ABCC3: variants seen among roughly 807,000 people sequenced by gnomAD.
The protein encoded by ABCC3 is ATP-binding cassette sub-family C member 3.
ABCC3 carries 121 observed loss-of-function variants against 165.3 expected under a neutral mutation model. The ratio of observed to expected loss-of-function variants is 0.73; its 90% CI spans 0.63 to 0.85. The LOEUF is 0.85. Among genes scored for constraint, ABCC3 ranks in the 40% least tolerant of loss-of-function variants. The probability of loss-of-function intolerance (pLI) is 0.00; values close to 1 mark genes in which losing one functional copy is unlikely to be tolerated. For synonymous variants in ABCC3, 733 were observed against 810.1 expected (o/e 0.90, Z 1.62); for missense variants, 1,869 against 1,964.1 (o/e 0.95, Z 0.92).
At position 50,668,859 on chromosome 17, in the gene ABCC3, C is replaced by T; in HGVS notation, c.1877C>T (p.Ala626Val). 1 of 1,613,910 alleles carries T rather than the reference C, an allele frequency of 6.2e-7. No homozygotes were observed. ...CCCACCTTGGTCCTCTCAGGCTATG[C>T]CATCACCATACACAGTGGCACCTTC... Reference protein sequence around the residue: ...VERKTISPGYAITIHSGTFTW... With the variant: ...VERKTISPGYVITIHSGTFTW... Residue 626 changes from alanine (A) to valine (V), a missense_variant, in exon 15 of 31, where the codon GCC becomes GTC. Physicochemically the swap from Ala to Val is moderately conservative, Grantham distance 64. Coordinates refer to ENST00000285238, the MANE Select transcript of ABCC3 (RefSeq NM_003786.4).
Position 50,683,621 on chromosome 17 carries a change from G to C in ABCC3, c.3819G>C (p.Val1273=). 6 of 1,577,816 alleles carry C rather than the reference G, an allele frequency of 3.8e-6. No individual in the cohort carries two copies. The highest frequency in any genetic ancestry group is 5.2e-6 in the Non-Finnish European group (6 of 1,162,602). Reference sequence around the variant, plus strand: ...GCCCCTCCTGCCAGGCGCCCTGGGTGGTGGAAGGCAGCCGCCCTCCCGAAG... The same window carrying C: ...GCCCCTCCTGCCAGGCGCCCTGGGTCGTGGAAGGCAGCCGCCCTCCCGAAG... ...YSKTETEAPW[V]VEGSRPPEGW... The change falls in exon 27 of 31, where the codon GTG becomes GTC. Residue 1273 remains valine (V), a synonymous_variant. Transcript: ENST00000285238.
chr17:50,635,389 G>A (rs186827963), intron 1 of ABCC3: 5 of 678,340 alleles, frequency 7.4e-6, no homozygotes, highest in Non-Finnish European at 1.1e-5. Flanking sequence ...CTCAGGTTAG[G>A]ACTCGGTTGC....
At position 50,672,995 on chromosome 17, in the gene ABCC3, C is replaced by A; in HGVS notation, c.2266C>A (p.Arg756=). 5.0e-6 allele frequency: 8 copies of A among 1,613,836 alleles called. No homozygotes were observed. Among genetic ancestry groups the A allele is most frequent in the Non-Finnish European group, 6.8e-6 (8 of 1,179,984 alleles). The change falls in exon 18 of 31, where the codon CGG becomes AGG. Residue 756 remains arginine (R), a synonymous_variant. Coordinates refer to ENST00000285238, the MANE Select transcript of ABCC3 (RefSeq NM_003786.4). ...GGGCATTAACCTGTCTGGGGGCCAG[C>A]GGCAGCGGGTCAGTCTGGCTCGAGC... is the stretch of plus-strand genomic sequence containing the variant. ...EKGINLSGGQ[R]QRVSLARAVY...
At chr17:50,638,046 A>G (rs2054195635) in intron 1 of ABCC3, among the ~76,000 whole-genome samples, 1 of 152,228 alleles carries the variant, frequency 6.6e-6, no homozygotes, top group African/African-American at 2.4e-5. Flanking sequence ...TCTCACCCAT[A>G]TCGACTTTGA....
Position 50,669,132 on chromosome 17 carries a change from G to T in ABCC3, c.1938-8G>T. 6.3e-7 allele frequency: 1 copy of T among 1,595,362 alleles called. No individual in the cohort carries two copies. The highest frequency in any genetic ancestry group is 8.5e-7 in the Non-Finnish European group (1 of 1,172,950). ...CTCTAACTGGACTCCTGGGGTCCTT[G>T]CCCCCAGCCTAGACATCCAGGTCCC... On this transcript the variant is annotated splice_region_variant and splice_polypyrimidine_tract_variant and intron_variant, in intron 15 of 30. Coordinates refer to ENST00000285238, the MANE Select transcript of ABCC3 (RefSeq NM_003786.4).
chr17:50,658,514 C>A lies in ABCC3; in HGVS notation c.674+18C>A, dbSNP rs745565968. ...TTCACAAAGTGAGTTGGCTCTTCCA[C>A]CAGCCAGGCCAGAGGGAGGGGAGGG... is the stretch of plus-strand genomic sequence containing the variant. On this transcript the variant is annotated intron_variant, in intron 6 of 30. Transcript: ENST00000285238. The A allele has an allele frequency of 1.1e-5, 17 of 1,608,690 alleles. No individual in the cohort carries two copies. Among genetic ancestry groups the A allele is most frequent in the African/African-American group, 4.0e-5 (3 of 74,782 alleles).
intron 20 of ABCC3, 57 bp downstream of exon 20, chr17:50,675,533 C>G: frequency 6.3e-7 from 1 of 1,585,886 alleles, no homozygotes; most frequent in South Asian, 1.1e-5. Context: ...TCCCCAGGCC[C>G]TGCCAGATGG....
intron 20 of ABCC3, 33 bp downstream of exon 20, chr17:50,675,509 G>A: frequency 6.2e-7 from 1 of 1,600,654 alleles, no homozygotes; most frequent in South Asian, 1.1e-5. Context: ...CCCTCCCGGA[G>A]GCTGTATCAG....
In ABCC3 at chr17:50,668,447, A is replaced by G. The variant is rs761967613; in HGVS notation, c.1800A>G (p.Lys600=). 6.2e-7 allele frequency: 1 copy of G among 1,613,772 alleles called. No individual in the cohort carries two copies. The highest frequency in any genetic ancestry group is 8.5e-7 in the Non-Finnish European group (1 of 1,179,906). ...TCCCGTAGGCCAGTGTGTCTCTGAA[A>G]CGGATCCAGCAATTCCTGAGCCAAG... ...SNLTQASVSL[K]RIQQFLSQEE... Residue 600 remains lysine (K), a synonymous_variant, in exon 14 of 31, where the codon AAA becomes AAG. Coordinates refer to ENST00000285238, the MANE Select transcript of ABCC3 (RefSeq NM_003786.4).
chr17:50,642,651 G>T (rs748442398), intron 1 of ABCC3, among the ~76,000 whole-genome samples: 8 of 152,164 alleles, frequency 5.3e-5, no homozygotes, highest in Non-Finnish European at 1.2e-4. Context: ...AGGTTCAAGG[G>T]CACGAAGGGG....
Position 50,687,635 on chromosome 17 carries a change from T to G in ABCC3, c.4380T>G (p.Thr1460=), listed in dbSNP as rs752249843. The change falls in exon 30 of 31, where the codon ACT becomes ACG. Residue 1460 remains threonine (T), a synonymous_variant. Coordinates refer to ENST00000285238, the MANE Select transcript of ABCC3 (RefSeq NM_003786.4). Reference sequence around the variant, plus strand: ...CCACAGCTGCCATCGACCTGGAGACTGACAACCTCATCCAGGCTACCATCC... The same window carrying G: ...CCACAGCTGCCATCGACCTGGAGACGGACAACCTCATCCAGGCTACCATCC... ...DEATAAIDLE[T]DNLIQATIRT... is the part of the protein sequence containing the mutation. The G allele has an allele frequency of 1.2e-6, 2 of 1,614,144 alleles. No individual in the cohort carries two copies. Among genetic ancestry groups the G allele is most frequent in the African/African-American group, 1.3e-5 (1 of 74,950 alleles).
chr17:50,640,133 A>T (rs1332532179), intron 1 of ABCC3, among the ~76,000 whole-genome samples: 2 of 152,228 alleles, frequency 1.3e-5, no homozygotes. Context: ...GCCACTACCC[A>T]GGTGTTAGCC....
At position 50,658,455 on chromosome 17, in the gene ABCC3, C is replaced by T. The variant is rs191757325; in HGVS notation, c.633C>T (p.Ser211=). The change falls in exon 6 of 31, where the codon AGC becomes AGT. Residue 211 remains serine (S), a synonymous_variant. Coordinates refer to ENST00000285238, the MANE Select transcript of ABCC3 (RefSeq NM_003786.4). ...TCTAGAACCCCTACCCTGAGACCAG[C>T]GCTGGCTTTCTCTCCCGCCTGTTTT... ...NVDPNPYPET[S]AGFLSRLFFW... 3.6e-4 allele frequency: 586 copies of T among 1,614,170 alleles called. 8 individuals carry two copies. The East Asian group carries it at 8.6e-3, about 24-fold the overall frequency.
chr17:50,678,044 G>GGCCCT, intron 24 of ABCC3, 49 bp from the exon 25 acceptor site: 1 of 1,613,936 alleles, frequency 6.2e-7, no homozygotes, highest in Non-Finnish European at 8.5e-7. Context: ...GCAGAAAACT[G>GGCCCT]GCCCTGCCCT....
At chr17:50,640,604 C>T (rs906674467) in intron 1 of ABCC3, among the ~76,000 whole-genome samples, 16 of 152,172 alleles carry the variant, frequency 1.1e-4, no homozygotes, top group South Asian at 2.1e-4. Context: ...CTGCAACCTC[C>T]GCCTCCCAGG....
chr17:50,685,303 A>T (rs1968004938), intron 29 of ABCC3, among the ~76,000 whole-genome samples: 1 of 152,188 alleles, frequency 6.6e-6, no homozygotes, highest in South Asian at 2.1e-4. Flanking sequence ...CCTCTTACTG[A>T]GTCTAAAGGT....
In ABCC3 at chr17:50,660,836, T is replaced by A. The variant is rs1056864619; in HGVS notation, c.807-87T>A. The A allele has an allele frequency of 9.4e-6, 11 of 1,171,732 alleles. No individual in the cohort carries two copies. In the East Asian group the frequency reaches 2.7e-4, roughly 29 times the overall value. The allele number at this position is 1,171,732 out of a possible 1,614,324, so 72.6% of individuals were successfully genotyped here. A position where few individuals can be genotyped will look rare whatever the true frequency, so the allele number is the denominator to read the frequency against. On this transcript the variant is annotated intron_variant, in intron 7 of 30. Transcript: ENST00000285238. ...CAAGAAAACAGCTCCTTCCTCCTCC[T>A]CACTCCTAGCCAGCCCAGCCTAGCC...
At chr17:50,658,677 G>T in intron 6 of ABCC3, 181 bp downstream of exon 6, 1 of 690,216 alleles carries the variant, frequency 1.4e-6, no homozygotes, top group South Asian at 1.8e-5. Flanking sequence ...AAATGCAGAG[G>T]CCTGGCCTGG....
At chr17:50,653,344 C>CAAAAAAAAAAAAA (rs1298179994) in intron 1 of ABCC3, among the ~76,000 whole-genome samples, 9 of 47,620 alleles carry the variant, frequency 1.9e-4, no homozygotes, top group African/African-American at 2.7e-4. Context: ...GAGACTGTCT[C>CAAAAAAAAAAAAA]AAAAAAAAAA....
Sources: gnomAD v4.1 joint callset for allele counts (sites outside exome capture counted in the v4.1 genomes callset) on GRCh38, gnomAD v4.1.1 for gene constraint, MANE v1.5 for transcripts, NCBI Gene and HGNC (gene_info 2026-07-23, HGNC 2026-07-21) for gene names.